The following SRPRB variants were observed in gnomAD, a reference collection of about 807,000 sequenced individuals.
SRPRB encodes the protein signal recognition particle receptor subunit beta.
In SRPRB, 20 loss-of-function variants were observed where a neutral mutation model predicts 31.9. The observed-to-expected ratio is 0.63, with a 90% confidence interval of 0.44 to 0.91. The LOEUF is 0.91. Among genes scored for constraint, SRPRB ranks in the 40% least tolerant of loss-of-function variants. SRPRB has a pLI of 0.00. For missense variants in SRPRB, 321 were observed against 324.9 expected (o/e 0.99, Z 0.09); for synonymous variants, 146 against 132.8 (o/e 1.10, Z -0.68).
chr3:133,810,187 A>C (rs896097544), intron 3 of SRPRB: 8 of 152,222 alleles, frequency 5.3e-5, no homozygotes, highest in African/African-American at 1.9e-4. Context: ...ACTAATAAAA[A>C]ACATATTTGT....
chr3:133,827,816 G>C (rs2107983213), downstream of SRPRB: 1 of 543,966 alleles, frequency 1.8e-6, no homozygotes, highest in East Asian at 3.3e-5. Context: ...TGACATCCAG[G>C]AGGAAGGCTT....
downstream of SRPRB, chr3:133,826,418 A>T (rs1262890507): frequency 1.3e-5 from 2 of 152,354 alleles, no homozygotes; most frequent in Non-Finnish European, 2.9e-5. Context: ...GCTAATCTTT[A>T]GTGCCAAGAA....
In SRPRB at chr3:133,819,964, C is replaced by G; in HGVS notation, c.*198C>G. On this transcript the variant is annotated 3_prime_UTR_variant, in exon 7 of 7. Coordinates refer to ENST00000678299, the MANE Select transcript of SRPRB (RefSeq NM_001379313.1). ...AAGTTCAGTTCTCCCTTATGGCTGC[C>G]TTTCAAACAAGTACCTTTTATCTGA... The G allele has an allele frequency of 1.8e-6, 1 of 560,238 alleles. No homozygotes were observed. Among genetic ancestry groups the G allele is most frequent in the Non-Finnish European group, 3.2e-6 (1 of 316,100 alleles). 34.7% of individuals were successfully genotyped at this position (560,238 alleles called of 1,614,324 possible).
chr3:133,819,354 C>T (rs1421981693), intron 6 of SRPRB, among the ~76,000 whole-genome samples, 199 bp from the exon 7 acceptor site: 13 of 151,524 alleles, frequency 8.6e-5, no homozygotes, highest in Non-Finnish European at 1.5e-4. Context: ...GGTCTGACCC[C>T]CCCAGCCCGC....
intron 1 of SRPRB, chr3:133,789,826 C>T (rs146598208): frequency 1.4e-5 from 2 of 143,678 alleles, no homozygotes; most frequent in African/African-American, 5.3e-5. Flanking sequence ...TAGGGTTTGG[C>T]ATAGAAGGTT....
At chr3:133,805,728 C>T, upstream of SRPRB, 1 of 1,354,690 alleles carries the variant, frequency 7.4e-7, no homozygotes, top group Non-Finnish European at 9.8e-7. Flanking sequence ...GGGGGATCGC[C>T]GCGGCTGAGG....
upstream of SRPRB, among the ~76,000 whole-genome samples, chr3:133,801,636 C>T (rs549452264): frequency 2.5e-4 from 38 of 152,300 alleles, no homozygotes; most frequent in African/African-American, 8.9e-4. Context: ...TCCTTCTTCC[C>T]TGCATCTTTG....
downstream of SRPRB, among the ~76,000 whole-genome samples, chr3:133,822,622 C>T (rs1935491658): frequency 6.6e-6 from 1 of 152,212 alleles, no homozygotes; most frequent in Non-Finnish European, 1.5e-5. Flanking sequence ...CAGTGTTCCC[C>T]TGTGGTCCTG....
At chr3:133,816,431 C>T (rs555656549) in intron 5 of SRPRB, among the ~76,000 whole-genome samples, 1 of 152,254 alleles carries the variant, frequency 6.6e-6, no homozygotes, top group South Asian at 2.1e-4. Flanking sequence ...TGTTTCTTAC[C>T]TTTAGTACAC....
chr3:133,805,727 C>G (rs538513790), upstream of SRPRB: 3 of 1,349,876 alleles, frequency 2.2e-6, no homozygotes, highest in Admixed American at 2.8e-5. Context: ...TGGGGGATCG[C>G]CGCGGCTGAG....
In SRPRB at chr3:133,819,918, ATTTTTT is replaced by A. The variant is rs75496501; in HGVS notation, c.*167_*172del. ...AAAGTACTGTTGAAACCAGCTTGGA[ATTTTTT>A]TTTTTTTTTTTTTTAAGTTCAGTTC... On this transcript the variant is annotated 3_prime_UTR_variant, in exon 7 of 7. Coordinates refer to ENST00000678299, the MANE Select transcript of SRPRB (RefSeq NM_001379313.1). 15 of 542,828 alleles carry A rather than the reference ATTTTTT, an allele frequency of 2.8e-5. No homozygotes were observed. Among genetic ancestry groups the A allele is most frequent in the South Asian group, 1.7e-4 (7 of 41,776 alleles). 33.6% of individuals were successfully genotyped at this position (542,828 alleles called of 1,614,324 possible).
upstream of SRPRB, among the ~76,000 whole-genome samples, chr3:133,802,372 C>T (rs111332938): frequency 7.7e-3 from 1,165 of 152,158 alleles, 12 homozygotes; most frequent in African/African-American, 0.026. Context: ...TGTCACTGCA[C>T]TCCAGCCTGG....
chr3:133,786,444 G>C (rs1169301969), intron 1 of SRPRB: 1 of 152,140 alleles, frequency 6.6e-6, no homozygotes, highest in Admixed American at 6.5e-5. Flanking sequence ...GAGAGGAAAG[G>C]AAGTGTAAGA....
chr3:133,821,233 T>A lies in SRPRB; in HGVS notation c.*1467T>A, dbSNP rs1211810654. 6.6e-6 allele frequency: 1 copy of A among 152,250 alleles called. No homozygotes were observed. Among genetic ancestry groups the A allele is most frequent in the African/African-American group, 2.4e-5 (1 of 41,458 alleles). 9.4% of individuals were successfully genotyped at this position (152,250 alleles called of 1,614,324 possible). A position where few individuals can be genotyped will look rare whatever the true frequency, so the allele number is the denominator to read the frequency against. On this transcript the variant is annotated 3_prime_UTR_variant, in exon 7 of 7. Transcript: ENST00000678299. ...CCAGGCTCCTACCCCAAAGCACATG[T>A]CAGCCTTGCTGCTGGAGCACGAAGA...
rs1239224675 is a variant in SRPRB at position 133,820,590 on chromosome 3, G to A, written c.*824G>A. On this transcript the variant is annotated 3_prime_UTR_variant, in exon 7 of 7. Transcript: ENST00000678299. ...ATTTTGTACTCCTGGCTAGAATGCT[G>A]TGGAACAAATACAAAGTGAAAAAAG... is the stretch of plus-strand genomic sequence containing the variant. The A allele has an allele frequency of 6.6e-6, 1 of 152,006 alleles. No individual in the cohort carries two copies. Among genetic ancestry groups the A allele is most frequent in the Non-Finnish European group, 1.5e-5 (1 of 68,012 alleles). 9.4% of individuals were successfully genotyped at this position (152,006 alleles called of 1,614,324 possible).
intron 6 of SRPRB, among the ~76,000 whole-genome samples, chr3:133,817,992 C>T (rs1935395679): frequency 6.6e-6 from 1 of 152,214 alleles, no homozygotes; most frequent in East Asian, 1.9e-4. Context: ...ATTTCTGGCT[C>T]TTTGCAGAAC....
chr3:133,788,236 C>G (rs1162900191), intron 1 of SRPRB: 1 of 152,238 alleles, frequency 6.6e-6, no homozygotes, highest in Admixed American at 6.5e-5. Flanking sequence ...ATTTCATCCT[C>G]TCCATTTACA....
downstream of SRPRB, chr3:133,827,932 A>G (rs565813130): frequency 1.1e-4 from 78 of 702,896 alleles, no homozygotes; most frequent in Admixed American, 9.6e-4. Context: ...AGAAGTACAC[A>G]TGGCACCCCA....
At chr3:133,828,009 C>T (rs567929379), downstream of SRPRB, 177 of 702,788 alleles carry the variant, frequency 2.5e-4, 2 homozygotes, top group South Asian at 2.3e-3. Context: ...TGGCCTCTTG[C>T]TCTGCCAGTC....
Sources: gnomAD v4.1 joint callset for allele counts (sites outside exome capture counted in the v4.1 genomes callset) on GRCh38, gnomAD v4.1.1 for gene constraint, MANE v1.5 for transcripts, NCBI Gene and HGNC (gene_info 2026-07-23, HGNC 2026-07-21) for gene names.